OR6N1: variants seen among roughly 807,000 people sequenced by gnomAD.
The protein encoded by OR6N1 is olfactory receptor 6N1.
For synonymous variants in OR6N1, 170 were observed against 150.7 expected, an observed-to-expected ratio of 1.13 and a Z score of -0.94; for missense variants, 394 against 371.7, an observed-to-expected ratio of 1.06 and a Z score of -0.49.
At chr1:158,813,806 C>T in the OR6N1 span, among the ~76,000 whole-genome samples, 1 of 149,228 alleles carries the variant, frequency 6.7e-6, no homozygotes, top group South Asian at 2.2e-4. Context: ...GGGCTCAAAC[C>T]ATCCTCCTAT....
At chr1:158,832,582 A>C in the OR6N1 span, among the ~76,000 whole-genome samples, 1 of 151,220 alleles carries the variant, frequency 6.6e-6, no homozygotes, top group East Asian at 1.9e-4. Flanking sequence ...TACTTTATAA[A>C]GTAATAACAG....
chr1:158,777,584 C>T, the OR6N1 span: 2 of 1,613,982 alleles, frequency 1.2e-6, no homozygotes, highest in Non-Finnish European at 1.7e-6. Flanking sequence ...CCCACACTGG[C>T]AAAGCCAAGG....
the OR6N1 span, among the ~76,000 whole-genome samples, chr1:158,828,641 A>C: frequency 1.3e-5 from 2 of 152,192 alleles, no homozygotes; most frequent in Non-Finnish European, 2.9e-5. Flanking sequence ...TTCCAGTTGC[A>C]TGGTGCAAGC....
chr1:158,831,968 T>C, the OR6N1 span, among the ~76,000 whole-genome samples: 2 of 152,188 alleles, frequency 1.3e-5, no homozygotes, highest in African/African-American at 2.4e-5. Flanking sequence ...CTCTATTATA[T>C]GATTTTATCT....
the OR6N1 span, among the ~76,000 whole-genome samples, chr1:158,794,154 C>A: frequency 6.6e-6 from 1 of 152,148 alleles, no homozygotes; most frequent in East Asian, 1.9e-4. Context: ...CAGATGCACC[C>A]ATGCTGATTT....
chr1:158,766,100 T>C lies in OR6N1; in HGVS notation c.583A>G (p.Asn195Asp). Reference sequence around the variant, plus strand: ...TTTATAACAAAATCTACTAGGACATTTATAGACGTATCAGTGCAAGCCAAA... The same window carrying C: ...TTTATAACAAAATCTACTAGGACATCTATAGACGTATCAGTGCAAGCCAAA... ...LSLACTDTSINVLVDFVINSC... is the reference protein window; with the variant it reads ...LSLACTDTSIDVLVDFVINSC... Residue 195 changes from asparagine (N) to aspartate (D), a missense_variant, in exon 2 of 2, where the codon AAT becomes GAT. Physicochemically the swap from Asn to Asp is conservative, Grantham distance 23. Coordinates refer to ENST00000641846, the MANE Select transcript of OR6N1 (RefSeq NM_001005185.2). 6.2e-7 allele frequency: 1 copy of C among 1,614,092 alleles called. No individual in the cohort carries two copies. Among genetic ancestry groups the C allele is most frequent in the Middle Eastern group, 1.6e-4 (1 of 6,062 alleles).
chr1:158,767,932 C>T (rs1375159881), intron 1 of OR6N1, among the ~76,000 whole-genome samples: 3 of 152,148 alleles, frequency 2.0e-5, no homozygotes, highest in Admixed American at 6.5e-5. Context: ...TTTCCTGGAT[C>T]CAATGGTCAT....
chr1:158,803,444 T>C, the OR6N1 span, among the ~76,000 whole-genome samples: 10 of 152,230 alleles, frequency 6.6e-5, no homozygotes, highest in Non-Finnish European at 1.2e-4. Context: ...GATCTTTTGT[T>C]TTCATTTTTA....
At chr1:158,792,742 G>A in the OR6N1 span, among the ~76,000 whole-genome samples, 3 of 152,178 alleles carry the variant, frequency 2.0e-5, 1 homozygote, top group South Asian at 4.1e-4. Flanking sequence ...GATTTCCACT[G>A]AGAAGCCTGC....
chr1:158,840,308 T>A, the OR6N1 span, among the ~76,000 whole-genome samples: 2 of 152,146 alleles, frequency 1.3e-5, no homozygotes, highest in African/African-American at 4.8e-5. Flanking sequence ...AGATTTGATT[T>A]ACTCACAGTT....
the OR6N1 span, among the ~76,000 whole-genome samples, chr1:158,828,151 GAC>G: frequency 6.6e-6 from 1 of 152,016 alleles, no homozygotes; most frequent in African/African-American, 2.4e-5. Flanking sequence ...TTTGGGTGGG[GAC>G]ACAGAGCCAA....
In OR6N1 at chr1:158,765,867, C is replaced by T; in HGVS notation, c.816G>A (p.Gln272=). ...GCACTGAGTAGACCACTGCCAGGGC[C>T]TGGTCATAGTCCAGTGAGTAGCTCT... The part of the protein sequence containing the change: ...LKKSYSLDYD[Q]ALAVVYSVLT... The change falls in exon 2 of 2, where the codon CAG becomes CAA. Residue 272 remains glutamine, a synonymous_variant. Transcript: ENST00000641846. 1.2e-6 allele frequency: 2 copies of T among 1,614,116 alleles called. No homozygotes were observed. The highest frequency in any genetic ancestry group is 1.7e-6 in the Non-Finnish European group (2 of 1,179,988).
In OR6N1 at chr1:158,766,696, T is replaced by G. The variant is rs1657284438; in HGVS notation, c.-14A>C. On this transcript the variant is annotated 5_prime_UTR_variant, in exon 2 of 2. An upstream start codon of the reference 5' UTR is lost. Transcript: ENST00000641846. Reference sequence around the variant, plus strand: ...CCCTGTGTCCATTGCTCACCATTCATGTCCCTAGATGTGAAGTGTGGAAGG... The same window carrying G: ...CCCTGTGTCCATTGCTCACCATTCAGGTCCCTAGATGTGAAGTGTGGAAGG... 1.3e-6 allele frequency: 2 copies of G among 1,578,802 alleles called. No homozygotes were observed. Among genetic ancestry groups the G allele is most frequent in the Non-Finnish European group, 1.7e-6 (2 of 1,158,092 alleles).
rs1657238297 is a variant in OR6N1 at position 158,765,819 on chromosome 1, G to GA, written c.863dup (p.Ile289HisfsTer29). 1.9e-6 allele frequency: 3 copies of GA among 1,614,154 alleles called. No homozygotes were observed. The East Asian group carries it at 6.7e-5, about 36-fold the overall frequency. On this transcript the variant is annotated frameshift_variant, in exon 2 of 2. Coordinates refer to ENST00000641846, the MANE Select transcript of OR6N1 (RefSeq NM_001005185.2). LOFTEE classifies it high-confidence loss of function. ...TCTCCTTGTTGCGCAAGCTGTAGAT[G>GA]AAGGGGTTGAGGAAGGGTGTGAGCA...
At chr1:158,824,839 T>C in the OR6N1 span, among the ~76,000 whole-genome samples, 1 of 152,174 alleles carries the variant, frequency 6.6e-6, no homozygotes, top group African/African-American at 2.4e-5. Context: ...AAGAGTTAGA[T>C]GTAAAACCTA....
chr1:158,808,314 T>G, the OR6N1 span: 1 of 151,682 alleles, frequency 6.6e-6, no homozygotes, highest in Non-Finnish European at 1.5e-5. Context: ...ATTTTTTTTG[T>G]ATTTTTAGTA....
chr1:158,817,534 G>A, the OR6N1 span, among the ~76,000 whole-genome samples: 1 of 152,142 alleles, frequency 6.6e-6, no homozygotes, highest in South Asian at 2.1e-4. Flanking sequence ...CTGCTTTTTG[G>A]CTTGTTCAAA....
chr1:158,787,204 C>T, the OR6N1 span, among the ~76,000 whole-genome samples: 6 of 152,004 alleles, frequency 3.9e-5, no homozygotes, highest in Non-Finnish European at 5.9e-5. Context: ...CTCGCTCTAC[C>T]ACGTGACATG....
chr1:158,783,009 T>C, the OR6N1 span, among the ~76,000 whole-genome samples: 29 of 152,352 alleles, frequency 1.9e-4, no homozygotes, highest in African/African-American at 7.0e-4. Context: ...TCCTTTTTAG[T>C]GTTTCTAACA....
Sources: allele counts gnomAD v4.1 joint callset (sites outside exome capture counted in the v4.1 genomes callset), GRCh38; gene constraint gnomAD v4.1.1; transcripts MANE v1.5; gene names NCBI Gene and HGNC (gene_info 2026-07-23, HGNC 2026-07-21).